Variants in EBLN1 observed in about 807,000 individuals in gnomAD.
The protein encoded by EBLN1 is endogenous Bornavirus like nucleoprotein 1.
Under a neutral mutation model 0.8 loss-of-function variants are expected in EBLN1, and 1 was observed. The ratio of observed to expected loss-of-function variants is 1.32; its 90% CI spans 0.47 to 6.26. The LOEUF is 6.26. Ranked by LOEUF, EBLN1 falls within the 30% of genes most tolerant of loss-of-function variation. The pLI is 0.15. For missense variants in EBLN1, 396 were observed against 447.9 expected, an observed-to-expected ratio of 0.88 and a Z score of 1.05; for synonymous variants, 158 against 158.5, an observed-to-expected ratio of 1.00 and a Z score of 0.02.
At chr10:22,216,106 G>A (rs1310407573) in intron 1 of EBLN1, among the ~76,000 whole-genome samples, 1 of 151,592 alleles carries the variant, frequency 6.6e-6, no homozygotes, top group African/African-American at 2.4e-5. Flanking sequence ...ATACCATAAT[G>A]AGTACCAGAT....
chr10:22,210,328 TA>T (rs1304205759), intron 2 of EBLN1, among the ~76,000 whole-genome samples: 1 of 152,158 alleles, frequency 6.6e-6, no homozygotes, highest in Non-Finnish European at 1.5e-5. Flanking sequence ...TCCTTAAATT[TA>T]AACTCAATCA....
chr10:22,212,751 A>G (rs1160251506), intron 2 of EBLN1, among the ~76,000 whole-genome samples, 91 bp downstream of exon 2: 1 of 151,348 alleles, frequency 6.6e-6, no homozygotes, highest in African/African-American at 2.4e-5. Flanking sequence ...GGAGTTCGAG[A>G]CCAGCCTGGG....
chr10:22,211,210 G>C (rs114877183), intron 2 of EBLN1, among the ~76,000 whole-genome samples: 1 of 151,982 alleles, frequency 6.6e-6, no homozygotes, highest in Non-Finnish European at 1.5e-5. Context: ...TCCAAATATA[G>C]GCTTTTGATT....
Position 22,214,271 on chromosome 10 carries a change from T to TTTTCTGA in EBLN1, c.-168-1307_-168-1306insTCAGAAA, listed in dbSNP as rs1834775002. On this transcript the variant is annotated intron_variant, in intron 1 of 2. Transcript: ENST00000422359. ...TGATTCAAACTCCACAGAGGAATAGTTTTTTGATTTTTGATTTTTTGTTTT... is the reference window on the plus strand; with the variant it reads ...TGATTCAAACTCCACAGAGGAATAGTTTTCTGATTTTTGATTTTTGATTTTTTGTTTT... 7.1e-5 allele frequency among the ~76,000 whole-genome samples: 10 copies of TTTTCTGA among 141,200 alleles called. No homozygotes were observed. In the South Asian group the frequency reaches 2.2e-3, roughly 31 times the overall value. The allele number at this position is 141,200 out of a possible 152,430, so 92.6% of individuals were successfully genotyped here.
At chr10:22,216,142 T>A (rs116355726) in intron 1 of EBLN1, among the ~76,000 whole-genome samples, 1 of 151,820 alleles carries the variant, frequency 6.6e-6, no homozygotes, top group Non-Finnish European at 1.5e-5. Flanking sequence ...TCAGACTCAG[T>A]GTTTCAATAT....
In EBLN1 at chr10:22,208,768, T is replaced by G. The variant is rs188403386; in HGVS notation, c.*115A>C. Reference sequence around the variant, plus strand: ...AAGATTATAGAGAAGTTGCGATAGATGTCAGAGACAGACCAAGATTGAAAA... The same window carrying G: ...AAGATTATAGAGAAGTTGCGATAGAGGTCAGAGACAGACCAAGATTGAAAA... On this transcript the variant is annotated 3_prime_UTR_variant, in exon 3 of 3. Transcript: ENST00000422359. 13 of 1,116,944 alleles carry G rather than the reference T, an allele frequency of 1.2e-5. No individual in the cohort carries two copies. Among genetic ancestry groups the G allele is most frequent in the Non-Finnish European group, 1.5e-5 (12 of 822,170 alleles). 69.2% of individuals were successfully genotyped at this position (1,116,944 alleles called of 1,614,324 possible). A position where few individuals can be genotyped will look rare whatever the true frequency, so the allele number is the denominator to read the frequency against.
At chr10:22,211,571 C>T (rs957571602) in intron 2 of EBLN1, among the ~76,000 whole-genome samples, 4 of 152,162 alleles carry the variant, frequency 2.6e-5, no homozygotes. Flanking sequence ...CAACTCACAG[C>T]AGCCTCGACC....
intron 1 of EBLN1, among the ~76,000 whole-genome samples, chr10:22,217,473 G>A (rs1834801596): frequency 6.6e-6 from 1 of 152,122 alleles, no homozygotes; most frequent in African/African-American, 2.4e-5. Context: ...AGACAAAGAG[G>A]AAAAAACATA....
chr10:22,209,852 C>T lies in EBLN1; in HGVS notation c.132G>A (p.Leu44=). 6.5e-7 allele frequency: 1 copy of T among 1,527,994 alleles called. No homozygotes were observed. The highest frequency in any genetic ancestry group is 8.7e-7 in the Non-Finnish European group (1 of 1,143,314). The allele number at this position is 1,527,994 out of a possible 1,614,324, so 94.7% of individuals were successfully genotyped here. ...GKSRQYPADA[L]EPQPGIGDVK... ...CATCTCCAATACCAGGTTGGGGCTCCAATGCATCTGCTGGATACTGTCTGC... is the reference window on the plus strand; with the variant it reads ...CATCTCCAATACCAGGTTGGGGCTCTAATGCATCTGCTGGATACTGTCTGC... The change falls in exon 3 of 3, where the codon TTG becomes TTA. Residue 44 remains leucine, a synonymous_variant. Transcript: ENST00000422359.
In EBLN1 at chr10:22,209,705, T is replaced by TAGTG; in HGVS notation, c.275_278dup (p.Leu94ThrfsTer11). On this transcript the variant is annotated frameshift_variant, in exon 3 of 3. Coordinates refer to ENST00000422359, the MANE Select transcript of EBLN1 (RefSeq NM_001394757.1). LOFTEE classifies it low-confidence loss of function (END_TRUNC). ...ACCTTTTGCTCACACCGACACTGAG[T>TAGTG]AGTGCCTTGTGTAATCCATCGAATA... 2.0e-6 allele frequency: 3 copies of TAGTG among 1,535,854 alleles called. No homozygotes were observed. Among genetic ancestry groups the TAGTG allele is most frequent in the Non-Finnish European group, 2.6e-6 (3 of 1,146,904 alleles).
chr10:22,210,802 C>G (rs962201370), intron 2 of EBLN1, among the ~76,000 whole-genome samples: 6 of 152,150 alleles, frequency 3.9e-5, no homozygotes, highest in Non-Finnish European at 8.8e-5. Context: ...CCTCAGGTTT[C>G]CAAACTCGCT....
At chr10:22,213,904 G>A (rs1396140877) in intron 1 of EBLN1, among the ~76,000 whole-genome samples, 6 of 152,196 alleles carry the variant, frequency 3.9e-5, no homozygotes, top group Non-Finnish European at 8.8e-5. Context: ...GTGCTGGGTT[G>A]AAGGAAGTAT....
chr10:22,210,068 T>G, intron 2 of EBLN1, 41 bp from the exon 3 acceptor site: 2 of 1,253,580 alleles, frequency 1.6e-6, no homozygotes, highest in Non-Finnish European at 2.0e-6. Flanking sequence ...AAAATATTTT[T>G]AAATTACATT....
At chr10:22,215,758 C>T (rs1297618781) in intron 1 of EBLN1, among the ~76,000 whole-genome samples, 1 of 152,020 alleles carries the variant, frequency 6.6e-6, no homozygotes, top group African/African-American at 2.4e-5. Flanking sequence ...TATACAAAGA[C>T]CCTCATTTCA....
intron 1 of EBLN1, among the ~76,000 whole-genome samples, chr10:22,215,251 C>T (rs1015907275): frequency 1.3e-5 from 2 of 152,008 alleles, no homozygotes; most frequent in East Asian, 1.9e-4. Context: ...TGAATATACT[C>T]AAAAGTCACT....
intron 1 of EBLN1, among the ~76,000 whole-genome samples, chr10:22,213,483 C>G (rs1834770119): frequency 6.6e-6 from 1 of 152,144 alleles, no homozygotes; most frequent in South Asian, 2.1e-4. Flanking sequence ...GAGCCCACTA[C>G]TCACCCAGGC....
In EBLN1 at chr10:22,209,964, T is replaced by G. The variant is rs1356089179; in HGVS notation, c.20A>C (p.Asn7Thr). The G allele has an allele frequency of 1.4e-6, 2 of 1,420,472 alleles. No individual in the cohort carries two copies. The highest frequency in any genetic ancestry group is 5.7e-5 in the Admixed American group (2 of 34,874). The allele number at this position is 1,420,472 out of a possible 1,614,324, so 88.0% of individuals were successfully genotyped here. MSRPRN[N>T]PQTSSPQDST... ...GTCTTGTGGGCTGCTGGTCTGTGGG[T>G]TGTTTCTTGGGCGGGACATTGTGGG... Residue 7 changes from asparagine (N) to threonine (T), a missense_variant, in exon 3 of 3, where the codon AAC becomes ACC. Physicochemically the swap from Asn to Thr is moderately conservative, Grantham distance 65. Coordinates refer to ENST00000422359, the MANE Select transcript of EBLN1 (RefSeq NM_001394757.1).
intron 1 of EBLN1, among the ~76,000 whole-genome samples, chr10:22,213,550 A>C (rs1410004408): frequency 6.6e-6 from 1 of 152,142 alleles, no homozygotes; most frequent in Non-Finnish European, 1.5e-5. Flanking sequence ...CATTTTCTTG[A>C]AGAAAACCCC....
In EBLN1 at chr10:22,208,928, A is replaced by G. The variant is rs1326861896; in HGVS notation, c.1056T>C (p.Tyr352=). 2 of 1,535,608 alleles carry G rather than the reference A, an allele frequency of 1.3e-6. No homozygotes were observed. The highest frequency in any genetic ancestry group is 2.4e-5 in the East Asian group (1 of 40,938). ...KISRGSDMDP[Y]TLNILRGYGI... ...CATAACCGCGAAGGATGTTAAGTGTATATGGATCCATGTCACTTCCTCTGG... is the reference window on the plus strand; with the variant it reads ...CATAACCGCGAAGGATGTTAAGTGTGTATGGATCCATGTCACTTCCTCTGG... Residue 352 remains tyrosine, a synonymous_variant, in exon 3 of 3, where the codon TAT becomes TAC. Coordinates refer to ENST00000422359, the MANE Select transcript of EBLN1 (RefSeq NM_001394757.1).
Sources: gnomAD v4.1 joint callset for allele counts (sites outside exome capture counted in the v4.1 genomes callset) on GRCh38, gnomAD v4.1.1 for gene constraint, MANE v1.5 for transcripts, NCBI Gene and HGNC (gene_info 2026-07-23, HGNC 2026-07-21) for gene names.